Variants in LPIN1 observed in about 807,000 individuals in gnomAD.
LPIN1 encodes the protein phosphatidate phosphatase LPIN1.
A neutral mutation model predicts 107.5 loss-of-function variants in LPIN1; 71 were observed. The ratio of observed to expected loss-of-function variants is 0.66; its 90% confidence interval spans 0.55 to 0.80. The LOEUF (loss-of-function observed/expected upper bound fraction) is 0.80. Among genes scored for constraint, LPIN1 ranks in the 30% least tolerant of loss-of-function variants. The pLI is 0.00. For missense variants in LPIN1, 1,043 were observed against 1,160.6 expected, an observed-to-expected ratio of 0.90 and a Z score of 1.47; for synonymous variants, 445 against 452.6, an observed-to-expected ratio of 0.98 and a Z score of 0.21.
intron 1 of LPIN1, chr2:11,682,151 C>T (rs1661751401): frequency 6.6e-6 from 1 of 152,426 alleles, no homozygotes; most frequent in Non-Finnish European, 1.5e-5. Flanking sequence ...GGGCCTCTCT[C>T]TCCTCTCAGC....
chr2:11,716,170 G>C (rs1052471625), intron 2 of LPIN1, among the ~76,000 whole-genome samples: 1 of 152,162 alleles, frequency 6.6e-6, no homozygotes, highest in African/African-American at 2.4e-5. Flanking sequence ...AGGTGTGCAA[G>C]GTGGACAGAC....
At chr2:11,738,837 A>G (rs1370123597) in intron 1 of LPIN1, among the ~76,000 whole-genome samples, 2 of 152,220 alleles carry the variant, frequency 1.3e-5, no homozygotes, top group Admixed American at 6.5e-5. Flanking sequence ...TTGAGTCTTC[A>G]GCTGAGTACT....
intron 20 of LPIN1, among the ~76,000 whole-genome samples, chr2:11,821,472 G>A (rs1486621222): frequency 2.6e-5 from 4 of 152,114 alleles, no homozygotes; most frequent in African/African-American, 9.7e-5. Context: ...AGCCCAGATC[G>A]TGCCATTGCA....
At chr2:11,725,649 G>T (rs572521698) in intron 1 of LPIN1, among the ~76,000 whole-genome samples, 1 of 152,178 alleles carries the variant, frequency 6.6e-6, no homozygotes, top group Non-Finnish European at 1.5e-5. Context: ...TATAGGAAGC[G>T]CAATTCCATT....
chr2:11,815,282 C>G (rs1398504243), intron 18 of LPIN1, 42 bp downstream of exon 18: 16 of 1,611,222 alleles, frequency 9.9e-6, no homozygotes, highest in Non-Finnish European at 1.4e-5. Context: ...TGAGCCTGTT[C>G]AGACCCGCTC....
intron 2 of LPIN1, among the ~76,000 whole-genome samples, chr2:11,766,853 T>C (rs1305834966): frequency 6.6e-6 from 1 of 152,144 alleles, no homozygotes; most frequent in Admixed American, 6.5e-5. Flanking sequence ...AAAGGGCTGG[T>C]TTCTGTTTGG....
At position 11,771,247 on chromosome 2, in the gene LPIN1, A is replaced by T. The variant is rs1479541706; in HGVS notation, c.289-125A>T. On this transcript the variant is annotated intron_variant, in intron 3 of 20. Coordinates refer to ENST00000674199, the MANE Select transcript of LPIN1 (RefSeq NM_001349206.2). This position sits in a 1 kb window ranked among gnomAD's most constrained non-coding sequence, Gnocchi z 4.8. ...CATGGCTGTGGCCTCTAGCTGGGCC[A>T]TCTGCTGTGGCCCTCCCCAGGAGGT... The T allele has an allele frequency of 2.2e-6, 2 of 889,650 alleles. No homozygotes were observed. Among genetic ancestry groups the T allele is most frequent in the Non-Finnish European group, 3.6e-6 (2 of 549,172 alleles). The allele number at this position is 889,650 out of a possible 1,614,324, so 55.1% of individuals were successfully genotyped here. A position where few individuals can be genotyped will look rare whatever the true frequency, so the allele number is the denominator to read the frequency against.
Position 11,782,221 on chromosome 2 carries a change from G to C in LPIN1, c.978G>C (p.Met326Ile). 6.2e-7 allele frequency: 1 copy of C among 1,614,028 alleles called. No homozygotes were observed. Among genetic ancestry groups the C allele is most frequent in the Non-Finnish European group, 8.5e-7 (1 of 1,179,934 alleles). ...TCTAGTCTTCTTCTCCACACAAGAT[G>C]AAAGAGTCCAGCCCATTGAGCAGTA... ...QAAKSSSPHK[M>I]KESSPLSSRK... Residue 326 changes from methionine to isoleucine, a missense_variant, in exon 8 of 21, where the codon ATG becomes ATC. Coordinates refer to ENST00000674199, the MANE Select transcript of LPIN1 (RefSeq NM_001349206.2).
intron 20 of LPIN1, among the ~76,000 whole-genome samples, chr2:11,824,318 G>A (rs2148743396): frequency 6.6e-6 from 1 of 151,400 alleles, no homozygotes; most frequent in South Asian, 2.1e-4. Context: ...TGCAGCAGGC[G>A]CTATCCCATG....
chr2:11,803,150 C>G lies in LPIN1; in HGVS notation c.2013+117C>G, dbSNP rs1334667004. On this transcript the variant is annotated intron_variant, in intron 15 of 20. Coordinates refer to ENST00000674199, the MANE Select transcript of LPIN1 (RefSeq NM_001349206.2). This position sits in a 1 kb window ranked among gnomAD's most constrained non-coding sequence, Gnocchi z 4.2. ...ACTTGTCACCTTTCATCCCAGGGGGCCTGCAATCCCTCAACTGGGTACCCG... is the reference window on the plus strand; with the variant it reads ...ACTTGTCACCTTTCATCCCAGGGGGGCTGCAATCCCTCAACTGGGTACCCG... The G allele has an allele frequency of 1.4e-6, 2 of 1,388,758 alleles. No homozygotes were observed. Among genetic ancestry groups the G allele is most frequent in the Non-Finnish European group, 2.0e-6 (2 of 990,066 alleles). 86.0% of individuals were successfully genotyped at this position (1,388,758 alleles called of 1,614,324 possible). A position where few individuals can be genotyped will look rare whatever the true frequency, so the allele number is the denominator to read the frequency against.
rs11886311 is a variant in LPIN1, at chr2:11,697,944, C to T, written c.82-15812C>T. Reference sequence around the variant, plus strand: ...GTCACGCACCCCCGGCTGTGGGTGGCTTCCTGACCCAGAAGTGCCCAGTTT... The same window carrying T: ...GTCACGCACCCCCGGCTGTGGGTGGTTTCCTGACCCAGAAGTGCCCAGTTT... On this transcript the variant is annotated intron_variant, in intron 1 of 21. Coordinates refer to the LPIN1 transcript ENST00000449576. The surrounding 1 kb of genome is among the most constrained non-coding windows in gnomAD (Gnocchi z 4.6). 2.2e-4 allele frequency among the ~76,000 whole-genome samples: 33 copies of T among 152,248 alleles called. No individual in the cohort carries two copies. The highest frequency in any genetic ancestry group is 7.9e-4 in the African/African-American group (33 of 41,560).
upstream of LPIN1, among the ~76,000 whole-genome samples, chr2:11,742,866 G>C (rs985068313): frequency 2.6e-5 from 4 of 152,234 alleles, no homozygotes; most frequent in Non-Finnish European, 5.9e-5. Flanking sequence ...GGCCAGCCAC[G>C]GCCTTCTTTC....
chr2:11,686,993 C>CTTTTTTTTTTT, intron 1 of LPIN1, among the ~76,000 whole-genome samples: 2 of 85,088 alleles, frequency 2.4e-5, no homozygotes, highest in Non-Finnish European at 4.2e-5. Context: ...GCTTTTGATC[C>CTTTTTTTTTTT]TTTTTTTTTT....
chr2:11,776,251 T>C (rs1008773203), intron 6 of LPIN1, 58 bp downstream of exon 6: 223 of 1,106,418 alleles, frequency 2.0e-4, no homozygotes, highest in Non-Finnish European at 2.8e-4. Context: ...TTGATCTAAC[T>C]CTTACTATAA....
chr2:11,734,238 G>A (rs555976700), intron 1 of LPIN1, among the ~76,000 whole-genome samples: 13 of 152,058 alleles, frequency 8.5e-5, no homozygotes, highest in African/African-American at 3.1e-4. Context: ...GAACACATAG[G>A]ATGAGGGATG....
chr2:11,772,044 T>C (rs1211411851), intron 4 of LPIN1, among the ~76,000 whole-genome samples: 2 of 152,182 alleles, frequency 1.3e-5, no homozygotes, highest in African/African-American at 4.8e-5. Flanking sequence ...TGACAGATCA[T>C]CAGGCATTAG....
At chr2:11,806,080 C>T (rs886955644) in intron 17 of LPIN1, among the ~76,000 whole-genome samples, 14 of 152,272 alleles carry the variant, frequency 9.2e-5, no homozygotes, top group African/African-American at 2.4e-4. Flanking sequence ...GCGGTCTCTC[C>T]GTGGGTGAGG....
rs768837921 is a variant in LPIN1 at position 11,815,119 on chromosome 2, C to T, written c.2281C>T (p.Arg761Cys). ...ATATAAATTTCTCTACTGTTCTGCC[C>T]GTGCCATCGGGATGGCGGACATGAC... ...NGYKFLYCSA[R>C]AIGMADMTRG... The change falls in exon 18 of 21, where the codon CGT (arginine) becomes TGT (cysteine). Residue 761 changes from arginine to cysteine, a missense_variant. By Grantham distance (180) the Arg-to-Cys change is radical (BLOSUM62 -3). Transcript: ENST00000674199. 20 of 1,614,012 alleles carry T rather than the reference C, an allele frequency of 1.2e-5. No individual in the cohort carries two copies. The highest frequency in any genetic ancestry group is 8.0e-5 in the African/African-American group (6 of 74,900).
intron 1 of LPIN1, among the ~76,000 whole-genome samples, chr2:11,695,390 G>C (rs1558725320): frequency 6.6e-6 from 1 of 152,186 alleles, no homozygotes; most frequent in South Asian, 2.1e-4. Context: ...TGGGGATGAG[G>C]GAGCTGGCCA....
Sources: allele counts gnomAD v4.1 joint callset (sites outside exome capture counted in the v4.1 genomes callset), GRCh38; gene constraint gnomAD v4.1.1; non-coding constraint Gnocchi (gnomAD v3.1); transcripts MANE v1.5; gene names NCBI Gene and HGNC (gene_info 2026-07-23, HGNC 2026-07-21).